Variants in DMXL2 observed in about 807,000 individuals in gnomAD.
DMXL2 encodes Dmx like 2, also known as dmX-like protein 2.
In DMXL2, 103 loss-of-function variants were observed where a neutral mutation model predicts 331.1. That is an observed-to-expected ratio of 0.31 (90% CI 0.27 to 0.37). The LOEUF is 0.37. Ranked by LOEUF, DMXL2 falls within the 10% of genes least tolerant of loss-of-function variation. DMXL2 has a pLI of 1.00. For synonymous variants in DMXL2, 1,281 were observed against 1,252.1 expected (o/e 1.02, Z -0.49); for missense variants, 3,171 against 3,642.9 (o/e 0.87, Z 3.33).
In DMXL2 at chr15:51,545,759, C is replaced by A. The variant is rs2048853393; in HGVS notation, c.754G>T (p.Val252Phe). Residue 252 changes from valine (V) to phenylalanine (F), a missense_variant, in exon 8 of 44, where the codon GTC becomes TTC. Physicochemically the swap from Val to Phe is conservative, Grantham distance 50. This residue lies in a region of DMXL2 where 1,674 missense variants were observed against 1,780.2 expected (regional missense o/e 0.94). Transcript: ENST00000560891. Reference protein sequence around the residue: ...KTSKYMPRGSVCNVLLTSCHD... With the variant: ...KTSKYMPRGSFCNVLLTSCHD... ...CATGAAGTTAACAACACATTACAGA[C>A]AGAACCCCTAACAACAAAGAGAAAT... 1.2e-6 allele frequency: 2 copies of A among 1,606,240 alleles called. No individual in the cohort carries two copies. Among genetic ancestry groups the A allele is most frequent in the African/African-American group, 1.3e-5 (1 of 74,688 alleles).
intron 1 of DMXL2, among the ~76,000 whole-genome samples, chr15:51,585,611 T>C (rs1289942201): frequency 6.6e-6 from 1 of 152,114 alleles, no homozygotes; most frequent in Non-Finnish European, 1.5e-5. Context: ...GATCAGTGAT[T>C]AAAATTAATT....
chr15:51,466,956 G>A (rs2040638476), intron 29 of DMXL2, among the ~76,000 whole-genome samples: 1 of 151,788 alleles, frequency 6.6e-6, no homozygotes, highest in Admixed American at 6.6e-5. Flanking sequence ...CTAGATTGAT[G>A]CAAAAATATA....
intron 1 of DMXL2, among the ~76,000 whole-genome samples, chr15:51,591,906 C>G (rs1176058220): frequency 6.7e-6 from 1 of 148,798 alleles, no homozygotes; most frequent in Non-Finnish European, 1.5e-5. Context: ...CACACCAAAA[C>G]CCCATCTGTA....
rs1216882242 is a variant in DMXL2 at position 51,558,119 on chromosome 15, A to C, written c.567+5262T>G. The stretch of plus-strand genomic sequence containing the variant: ...AGCTGGTTATGAGTGCTGAGAACTG[A>C]TGCCTGGCCCTCACCTGCCTTCAAA... On this transcript the variant is annotated intron_variant, in intron 6 of 43. Coordinates refer to ENST00000560891, the MANE Select transcript of DMXL2 (RefSeq NM_001378457.1). 2.0e-5 allele frequency among the ~76,000 whole-genome samples: 3 copies of C among 152,238 alleles called. No individual in the cohort carries two copies. The East Asian group carries it at 5.8e-4, about 29-fold the overall frequency.
At chr15:51,604,572 A>G (rs12441057) in intron 1 of DMXL2, among the ~76,000 whole-genome samples, 123,877 of 152,198 alleles carry the variant, frequency 0.81, 50,786 homozygotes, top group East Asian at 0.99. Context: ...TCAGATCTAT[A>G]TGCATAAACA....
chr15:51,489,508 T>C (rs2140424482), intron 20 of DMXL2, among the ~76,000 whole-genome samples: 1 of 152,080 alleles, frequency 6.6e-6, no homozygotes, highest in East Asian at 1.9e-4. Context: ...ACTACAAAAA[T>C]TAGCCAGGCA....
At chr15:51,526,128 AGGAGAGAGAG>A (rs1461091488) in intron 13 of DMXL2, among the ~76,000 whole-genome samples, 25 of 121,684 alleles carry the variant, frequency 2.1e-4, no homozygotes, top group African/African-American at 7.5e-4. Flanking sequence ...GGGAGGGGGA[AGGAGAGAGAG>A]GGAGAGAGAG....
chr15:51,620,413 T>C (rs992487248), intron 1 of DMXL2, among the ~76,000 whole-genome samples: 9 of 152,262 alleles, frequency 5.9e-5, no homozygotes, highest in African/African-American at 1.9e-4. Context: ...TGTTGCAACA[T>C]AAAAATGCAG....
At position 51,613,561 on chromosome 15, in the gene DMXL2, G is replaced by A. The variant is rs188108476; in HGVS notation, c.87+8898C>T. On this transcript the variant is annotated intron_variant, in intron 1 of 43. Transcript: ENST00000560891. Reference sequence around the variant, plus strand: ...ATAAAGGATAACCAGTAAGTTATACGAATTCTTCTGGGAACTGGAAACTTT... The same window carrying A: ...ATAAAGGATAACCAGTAAGTTATACAAATTCTTCTGGGAACTGGAAACTTT... Among the ~76,000 whole-genome samples the A allele has an allele frequency of 2.9e-4, 44 of 152,236 alleles. No individual in the cohort carries two copies. The East Asian group carries it at 7.7e-3, about 27-fold the overall frequency.
At chr15:51,561,599 C>T (rs531472914) in intron 6 of DMXL2, among the ~76,000 whole-genome samples, 4 of 152,174 alleles carry the variant, frequency 2.6e-5, no homozygotes, top group Admixed American at 1.3e-4. Flanking sequence ...GCTCAGGTGC[C>T]AGTGGTTATG....
intron 32 of DMXL2, among the ~76,000 whole-genome samples, chr15:51,463,891 A>AC (rs1256725591): frequency 7.2e-5 from 11 of 152,160 alleles, no homozygotes; most frequent in African/African-American, 2.4e-4. Context: ...TTGTTCTTTC[A>AC]AGCTTATTTT....
At chr15:51,541,938 T>G (rs923609552) in intron 9 of DMXL2, among the ~76,000 whole-genome samples, 7 of 152,128 alleles carry the variant, frequency 4.6e-5, no homozygotes, top group Non-Finnish European at 1.0e-4. Flanking sequence ...TATGCTGAGA[T>G]ATAAGGAAAA....
At chr15:51,460,040 C>A (rs574653126) in intron 33 of DMXL2, 1 of 966,214 alleles carries the variant, frequency 1.0e-6, no homozygotes, top group Non-Finnish European at 1.2e-6. Context: ...ATTTAAAATA[C>A]AAATTAAAAT....
intron 39 of DMXL2, 70 bp from the exon 40 acceptor site, chr15:51,455,298 A>G (rs1385455670): frequency 1.7e-6 from 2 of 1,211,644 alleles, no homozygotes; most frequent in African/African-American, 1.5e-5. Flanking sequence ...CATGGAAGGA[A>G]GATTCACTAA....
rs1288944633 is a variant in DMXL2 at position 51,491,607 on chromosome 15, T to C, written c.4924A>G (p.Ile1642Val). Residue 1642 changes from isoleucine (I) to valine (V), a missense_variant, in exon 20 of 44, where the codon ATT becomes GTT. By Grantham distance (29) the Ile-to-Val change is conservative (BLOSUM62 3). Transcript: ENST00000560891. ...TCAATGCATCTTCGAAGCGTGTTAA[T>C]GTTCCTCACCCACCATCCTATGCCC... is the stretch of plus-strand genomic sequence containing the variant. ...AMGIGWWVRN[I>V]NTLRRCIEKV... 1.2e-6 allele frequency: 2 copies of C among 1,609,164 alleles called. No homozygotes were observed.
chr15:51,527,098 C>T (rs2047717389), intron 13 of DMXL2, among the ~76,000 whole-genome samples: 2 of 152,070 alleles, frequency 1.3e-5, no homozygotes, highest in African/African-American at 4.8e-5. Flanking sequence ...ATTTAATAAT[C>T]AAACTCCCAA....
Position 51,499,863 on chromosome 15 carries a change from G to C in DMXL2, c.3361C>G (p.Gln1121Glu). The C allele has an allele frequency of 6.2e-7, 1 of 1,614,134 alleles. No individual in the cohort carries two copies. The highest frequency in any genetic ancestry group is 8.5e-7 in the Non-Finnish European group (1 of 1,179,990). ...STGGSEWVLEQTIHLDDLVKV... is the reference protein window; with the variant it reads ...STGGSEWVLEETIHLDDLVKV... Reference sequence around the variant, plus strand: ...ACCAAATCATCAAGATGAATTGTTTGTTCTAAAACCCACTCTGATCCTCCT... The same window carrying C: ...ACCAAATCATCAAGATGAATTGTTTCTTCTAAAACCCACTCTGATCCTCCT... The change falls in exon 18 of 44, where the codon CAA (glutamine) becomes GAA (glutamate). Residue 1121 changes from glutamine to glutamate, a missense_variant. By Grantham distance (29) the Gln-to-Glu change is conservative. Coordinates refer to ENST00000560891, the MANE Select transcript of DMXL2 (RefSeq NM_001378457.1).
chr15:51,610,506 C>T (rs1198033562), intron 1 of DMXL2, among the ~76,000 whole-genome samples: 1 of 152,156 alleles, frequency 6.6e-6, no homozygotes, highest in Admixed American at 6.5e-5. Flanking sequence ...CGGTGGCTCA[C>T]GCCTGTAATC....
intron 26 of DMXL2, 51 bp downstream of exon 26, chr15:51,478,220 C>G (rs749121830): frequency 6.9e-7 from 1 of 1,457,740 alleles, no homozygotes; most frequent in Non-Finnish European, 9.5e-7. Flanking sequence ...AACTCTGGAA[C>G]AGTTTAATGT....
Sources: allele counts gnomAD v4.1 joint callset (sites outside exome capture counted in the v4.1 genomes callset), GRCh38; gene constraint gnomAD v4.1.1; regional missense constraint gnomAD v4.1.1; transcripts MANE v1.5; gene names NCBI Gene and HGNC (gene_info 2026-07-23, HGNC 2026-07-21).